SCP2: variants seen among roughly 807,000 people sequenced by gnomAD.
SCP2 encodes the protein SCP-2/3-oxoacyl-CoA thiolase.
Under a neutral mutation model 71.4 loss-of-function variants are expected in SCP2, and 48 were observed. The ratio of observed to expected loss-of-function variants is 0.67; its 90% CI spans 0.53 to 0.86. The LOEUF (loss-of-function observed/expected upper bound fraction) is 0.86. SCP2 is among the 40% of genes least tolerant of loss of function. SCP2 has a pLI of 0.00. For missense variants in SCP2, 560 were observed against 655.6 expected (o/e 0.85, Z 1.59); for synonymous variants, 220 against 218.1 (o/e 1.01, Z -0.08).
chr1:52,928,026 C>T (rs1197241607), intron 1 of SCP2, among the ~76,000 whole-genome samples: 41 of 152,222 alleles, frequency 2.7e-4, no homozygotes, highest in Admixed American at 2.6e-3. Context: ...TTTCGTTTCT[C>T]CCCGGACGCA....
intron 5 of SCP2, among the ~76,000 whole-genome samples, chr1:52,957,851 T>C (rs1655966500): frequency 6.6e-6 from 1 of 152,252 alleles, no homozygotes. Flanking sequence ...GATTCATTAT[T>C]TTCATGTGGA....
At position 53,027,759 on chromosome 1, in the gene SCP2, C is replaced by T. The variant is rs13376704; in HGVS notation, c.1236-210C>T. Reference sequence around the variant, plus strand: ...ACTACAGGTGATCCACTCGCCTCGGCCTCCCAAAGTGCAGGGACTATAGGC... The same window carrying T: ...ACTACAGGTGATCCACTCGCCTCGGTCTCCCAAAGTGCAGGGACTATAGGC... On this transcript the variant is annotated intron_variant, in intron 12 of 15. Transcript: ENST00000371514. Among the ~76,000 whole-genome samples, 949 of 152,320 alleles carry T rather than the reference C, an allele frequency of 6.2e-3. 16 individuals are homozygous for T. The highest frequency in any genetic ancestry group is 0.022 in the African/African-American group (913 of 41,568).
chr1:53,013,706 T>C (rs927970529), intron 11 of SCP2, among the ~76,000 whole-genome samples: 1 of 152,018 alleles, frequency 6.6e-6, no homozygotes, highest in Non-Finnish European at 1.5e-5. Flanking sequence ...GGTCTGTAAA[T>C]ATATAGACAC....
chr1:53,042,831 G>A (rs1346128492), intron 14 of SCP2, among the ~76,000 whole-genome samples: 1 of 152,142 alleles, frequency 6.6e-6, no homozygotes, highest in Admixed American at 6.5e-5. Context: ...TGATTACTGA[G>A]ATGATTATAT....
intron 13 of SCP2, among the ~76,000 whole-genome samples, chr1:53,030,313 C>T (rs1662443726): frequency 6.6e-6 from 1 of 152,086 alleles, no homozygotes; most frequent in Non-Finnish European, 1.5e-5. Flanking sequence ...AATAAATTTC[C>T]TGTTGCACTC....
chr1:52,972,538 T>C (rs1417773819), intron 6 of SCP2, among the ~76,000 whole-genome samples: 1 of 152,244 alleles, frequency 6.6e-6, no homozygotes, highest in Non-Finnish European at 1.5e-5. Context: ...TATGCATGGA[T>C]TGCTTGCAAA....
At chr1:53,014,734 T>C (rs1661212467) in intron 11 of SCP2, among the ~76,000 whole-genome samples, 156 bp from the exon 12 acceptor site, 1 of 152,260 alleles carries the variant, frequency 6.6e-6, no homozygotes, top group Non-Finnish European at 1.5e-5. Flanking sequence ...AGAAAATAAC[T>C]AGCTGCAAAA....
At chr1:52,992,458 A>G (rs1303585546) in intron 11 of SCP2, among the ~76,000 whole-genome samples, 1 of 152,228 alleles carries the variant, frequency 6.6e-6, no homozygotes. Context: ...AGGAAGACAG[A>G]CAGAAATTAT....
chr1:53,004,772 G>T (rs1192958826), intron 11 of SCP2, among the ~76,000 whole-genome samples: 6 of 152,226 alleles, frequency 3.9e-5, no homozygotes, highest in Non-Finnish European at 8.8e-5. Context: ...TCTCACTGGG[G>T]CTTGTCGGAC....
In SCP2 at chr1:52,951,294, C is replaced by G. The variant is rs182753220; in HGVS notation, c.331+408C>G. Among the ~76,000 whole-genome samples, 97 of 150,020 alleles carry G rather than the reference C, an allele frequency of 6.5e-4. No individual in the cohort carries two copies. In the East Asian group the frequency reaches 0.017, roughly 27 times the overall value. On this transcript the variant is annotated intron_variant, in intron 4 of 15. Coordinates refer to ENST00000371514, the MANE Select transcript of SCP2 (RefSeq NM_002979.5). ...CAGACCTTGTCTCAAAAAAGCCCCC[C>G]AAAAAACAAAAAAAAGGCTTTATCA... is the stretch of plus-strand genomic sequence containing the variant.
At chr1:52,989,606 T>C (rs1250785087) in intron 11 of SCP2, among the ~76,000 whole-genome samples, 2 of 152,232 alleles carry the variant, frequency 1.3e-5, no homozygotes, top group Non-Finnish European at 2.9e-5. Flanking sequence ...ATGACCTGTC[T>C]GACAGTGTCC....
intron 10 of SCP2, among the ~76,000 whole-genome samples, chr1:52,981,360 G>A (rs889049525): frequency 5.3e-5 from 8 of 152,188 alleles, no homozygotes; most frequent in Admixed American, 1.3e-4. Context: ...CCAAATTGAC[G>A]TGTGCTGTAA....
At chr1:52,973,282 T>C (rs1051550043) in intron 6 of SCP2, among the ~76,000 whole-genome samples, 2 of 152,102 alleles carry the variant, frequency 1.3e-5, no homozygotes, top group Admixed American at 1.3e-4. Context: ...CCAAATGTCT[T>C]ACAGTAAAGA....
At chr1:52,944,967 G>C (rs1654639290) in intron 2 of SCP2, among the ~76,000 whole-genome samples, 1 of 151,786 alleles carries the variant, frequency 6.6e-6, no homozygotes, top group African/African-American at 2.4e-5. Context: ...ATTTAAAGGA[G>C]GTACAGAGTA....
intron 11 of SCP2, chr1:52,994,751 C>A: frequency 1.4e-6 from 1 of 702,412 alleles, no homozygotes; most frequent in Non-Finnish European, 2.3e-6. Context: ...CACATCCAGG[C>A]CTGTCAGTGT....
chr1:53,050,614 C>T lies in SCP2; in HGVS notation c.1554C>T (p.Phe518=). 6.2e-7 allele frequency: 1 copy of T among 1,611,026 alleles called. No individual in the cohort carries two copies. The highest frequency in any genetic ancestry group is 8.5e-7 in the Non-Finnish European group (1 of 1,177,290). ...ATTTTCTTTCTTCTTCACAGGCCTT[C>T]TTTCAAGGCAAATTGAAAATCACTG... is the stretch of plus-strand genomic sequence containing the variant. ...MTGKMNPQSA[F]FQGKLKITGN... Residue 518 remains phenylalanine, a synonymous_variant, in exon 16 of 16, where the codon TTC becomes TTT. Coordinates refer to ENST00000371514, the MANE Select transcript of SCP2 (RefSeq NM_002979.5).
At chr1:53,050,579 C>A in intron 15 of SCP2, 30 bp from the exon 16 acceptor site, 5 of 1,437,424 alleles carry the variant, frequency 3.5e-6, no homozygotes, top group African/African-American at 1.4e-5. Context: ...AAAAAAACAC[C>A]AAGTAATGAA....
intron 11 of SCP2, among the ~76,000 whole-genome samples, chr1:53,007,404 G>T (rs1243446129): frequency 6.6e-6 from 1 of 152,120 alleles, no homozygotes. Flanking sequence ...AAATGTAAAA[G>T]AACAGAAATT....
intron 12 of SCP2, among the ~76,000 whole-genome samples, chr1:53,020,733 A>G (rs1447139435): frequency 6.6e-6 from 1 of 152,164 alleles, no homozygotes; most frequent in Non-Finnish European, 1.5e-5. Context: ...GGATCTTATC[A>G]TATCTCCCAC....
Sources: gnomAD v4.1 joint callset for allele counts (sites outside exome capture counted in the v4.1 genomes callset) on GRCh38, gnomAD v4.1.1 for gene constraint, MANE v1.5 for transcripts, NCBI Gene and HGNC (gene_info 2026-07-23, HGNC 2026-07-21) for gene names.